The following HNF1B variants were observed in gnomAD, a reference collection of about 807,000 sequenced individuals.
HNF1B encodes hepatocyte nuclear factor 1-beta.
In HNF1B, 8 loss-of-function variants were observed where a neutral mutation model predicts 61.7. The observed-to-expected ratio is 0.13, with a 90% CI of 0.08 to 0.23. The LOEUF (loss-of-function observed/expected upper bound fraction) is 0.23, where lower values mean the gene tolerates loss of function less well. Among genes scored for constraint, HNF1B ranks in the 10% least tolerant of loss-of-function variants. The pLI, the probability that HNF1B is intolerant of heterozygous loss-of-function variation, is 1.00. For synonymous variants in HNF1B, 314 were observed against 287.7 expected, an observed-to-expected ratio of 1.09 and a Z score of -0.93; for missense variants, 562 against 714.5, an observed-to-expected ratio of 0.79 and a Z score of 2.43.
At chr17:37,689,255 T>C (rs1344656053) in intron 8 of HNF1B, among the ~76,000 whole-genome samples, 1 of 151,652 alleles carries the variant, frequency 6.6e-6, no homozygotes, top group African/African-American at 2.4e-5. Flanking sequence ...GGTCCTCTGA[T>C]ACCCTTTGCC....
intron 4 of HNF1B, among the ~76,000 whole-genome samples, chr17:37,712,228 G>GATTCAACGT (rs576805772): frequency 2.3e-4 from 35 of 152,310 alleles, no homozygotes; most frequent in South Asian, 1.2e-3. Context: ...AGCTGCTAGT[G>GATTCAACGT]GGGGTGGTGG....
rs746603677 is a variant in HNF1B at position 37,733,692 on chromosome 17, T to G, written c.674A>C (p.Glu225Ala). The G allele has an allele frequency of 1.3e-5, 21 of 1,614,022 alleles. No homozygotes were observed. Among genetic ancestry groups the G allele is most frequent in the Non-Finnish European group, 1.8e-5 (21 of 1,180,032 alleles). Residue 225 changes from glutamate to alanine, a missense_variant, in exon 3 of 9, where the codon GAG becomes GCG. Around this residue, in one of 6 missense-constraint regions of HNF1B, gnomAD observed 69 missense variants for 81.2 expected, o/e 0.85. Coordinates refer to ENST00000617811, the MANE Select transcript of HNF1B (RefSeq NM_000458.4). ...GCGGCGCATCTTCTTGTTGGTGGGCTCAGAGCAGGCATCATCGGACTGCCC... is the reference window on the plus strand; with the variant it reads ...GCGGCGCATCTTCTTGTTGGTGGGCGCAGAGCAGGCATCATCGGACTGCCC... The part of the protein sequence containing the change: ...GPGQSDDACS[E>A]PTNKKMRRNR...
intron 4 of HNF1B, among the ~76,000 whole-genome samples, chr17:37,714,304 C>A (rs2147484878): frequency 6.6e-6 from 1 of 152,342 alleles, no homozygotes; most frequent in Admixed American, 6.5e-5. Context: ...TTATTGAGCA[C>A]CTACCATGTG....
chr17:37,716,371 G>C (rs2033112030), intron 4 of HNF1B, among the ~76,000 whole-genome samples: 2 of 151,900 alleles, frequency 1.3e-5, no homozygotes, highest in African/African-American at 4.8e-5. Context: ...CTAAATTTTT[G>C]TATTTTTGGT....
chr17:37,731,711 C>T lies in HNF1B; in HGVS notation c.929G>A (p.Arg310Gln). ...FANRRKEEAF[R>Q]QKLAMDAYSS... ...ATAGGCGTCCATGGCCAGCTTTTGCCGGAATGCCTCCTCCTTCCTGCGGTT... is the reference window on the plus strand; with the variant it reads ...ATAGGCGTCCATGGCCAGCTTTTGCTGGAATGCCTCCTCCTTCCTGCGGTT... Residue 310 changes from arginine (R) to glutamine (Q), a missense_variant, in exon 4 of 9, where the codon CGG becomes CAG. Arg to Gln is a conservative substitution (Grantham distance 43). Coordinates refer to ENST00000617811, the MANE Select transcript of HNF1B (RefSeq NM_000458.4). The T allele has an allele frequency of 3.1e-6, 5 of 1,614,114 alleles. No individual in the cohort carries two copies. Among genetic ancestry groups the T allele is most frequent in the East Asian group, 2.2e-5 (1 of 44,878 alleles).
At position 37,699,169 on chromosome 17, in the gene HNF1B, G is replaced by C; in HGVS notation, c.1560C>G (p.Pro520=). 2 of 1,614,042 alleles carry C rather than the reference G, an allele frequency of 1.2e-6. No individual in the cohort carries two copies. The highest frequency in any genetic ancestry group is 1.7e-6 in the Non-Finnish European group (2 of 1,179,974). The change falls in exon 8 of 9, where the codon CCC becomes CCG. Residue 520 remains proline (P), a synonymous_variant. Coordinates refer to ENST00000617811, the MANE Select transcript of HNF1B (RefSeq NM_000458.4). ...GAAACCGGGAGGTGTGGGAATACTG[G>C]GGGGGTTCCTGCTTGTGTGCGTACA... ...SHMYAHKQEP[P]QYSHTSRFPS...
chr17:37,692,871 T>C (rs1217866733), intron 8 of HNF1B, among the ~76,000 whole-genome samples: 1 of 152,078 alleles, frequency 6.6e-6, no homozygotes. Context: ...TGACTGCATG[T>C]AGACCAAGCA....
Position 37,744,629 on chromosome 17 carries a change from A to AGTCGTCGCCGTCCTCGGAGCC in HNF1B, c.235_255dup (p.Gly79_Asp85dup), listed in dbSNP as rs762499042. On this transcript the variant is annotated inframe_insertion, in exon 1 of 9. Coordinates refer to ENST00000617811, the MANE Select transcript of HNF1B (RefSeq NM_000458.4). ...TCCTTGAGGATGGGAGGTGTGTCATAGTCGTCGCCGTCCTCGGAGCCCTCG... is the reference window on the plus strand; with the variant it reads ...TCCTTGAGGATGGGAGGTGTGTCATAGTCGTCGCCGTCCTCGGAGCCGTCGTCGCCGTCCTCGGAGCCCTCG... 5.6e-6 allele frequency: 9 copies of AGTCGTCGCCGTCCTCGGAGCC among 1,611,690 alleles called. No individual in the cohort carries two copies. The highest frequency in any genetic ancestry group is 6.8e-6 in the Non-Finnish European group (8 of 1,179,990).
chr17:37,722,535 G>C (rs766407482), intron 4 of HNF1B, among the ~76,000 whole-genome samples: 9 of 152,186 alleles, frequency 5.9e-5, no homozygotes, highest in Non-Finnish European at 1.2e-4. Context: ...GCCATAACCA[G>C]CTCACCTTGG....
chr17:37,734,453 TTTAA>T (rs1301933189), intron 2 of HNF1B, among the ~76,000 whole-genome samples: 1 of 152,150 alleles, frequency 6.6e-6, no homozygotes, highest in Non-Finnish European at 1.5e-5. Context: ...GGGAGTAGTG[TTTAA>T]TTAGCTGGAA....
chr17:37,691,096 G>GA (rs2032186981), intron 8 of HNF1B, among the ~76,000 whole-genome samples: 1 of 152,044 alleles, frequency 6.6e-6, no homozygotes, highest in Non-Finnish European at 1.5e-5. Context: ...AACTCCCATG[G>GA]AAAAAAGGAG....
intron 2 of HNF1B, among the ~76,000 whole-genome samples, chr17:37,736,843 A>C (rs1278766019): frequency 6.6e-6 from 1 of 152,212 alleles, no homozygotes; most frequent in Non-Finnish European, 1.5e-5. Flanking sequence ...TTCCACTGAC[A>C]TCAGGGGCTT....
intron 6 of HNF1B, among the ~76,000 whole-genome samples, chr17:37,703,321 C>T (rs575998270): frequency 1.3e-5 from 2 of 151,962 alleles, no homozygotes; most frequent in Non-Finnish European, 1.5e-5. Flanking sequence ...TAAGGAGCAT[C>T]GTGAAATGAT....
chr17:37,704,754 A>G (rs2032684507), intron 6 of HNF1B, among the ~76,000 whole-genome samples, 163 bp downstream of exon 6: 1 of 152,182 alleles, frequency 6.6e-6, no homozygotes, highest in Non-Finnish European at 1.5e-5. Context: ...AACAATCCAA[A>G]TATTGGATTT....
At chr17:37,702,925 G>A (rs1173817843) in intron 6 of HNF1B, among the ~76,000 whole-genome samples, 1 of 152,200 alleles carries the variant, frequency 6.6e-6, no homozygotes, top group Non-Finnish European at 1.5e-5. Flanking sequence ...ATCTGTTTCT[G>A]TTTCTGGGCA....
chr17:37,736,366 A>G (rs1243692159), intron 2 of HNF1B, among the ~76,000 whole-genome samples: 2 of 152,204 alleles, frequency 1.3e-5, no homozygotes, highest in Non-Finnish European at 2.9e-5. Flanking sequence ...GTGGTGAGGT[A>G]TTGTGCCAAA....
chr17:37,713,416 G>C (rs2033001570), intron 4 of HNF1B, among the ~76,000 whole-genome samples: 1 of 152,220 alleles, frequency 6.6e-6, no homozygotes. Context: ...AAGGGAGCAT[G>C]TCAGGAGAGA....
At chr17:37,709,996 T>G (rs950210807) in intron 5 of HNF1B, among the ~76,000 whole-genome samples, 1 of 152,230 alleles carries the variant, frequency 6.6e-6, no homozygotes, top group Non-Finnish European at 1.5e-5. Flanking sequence ...GTGTCCCATG[T>G]CTTTCACTGT....
At chr17:37,717,490 A>G (rs1409158190) in intron 4 of HNF1B, among the ~76,000 whole-genome samples, 1 of 152,342 alleles carries the variant, frequency 6.6e-6, no homozygotes, top group African/African-American at 2.4e-5. Context: ...CCAAAAGGTA[A>G]TAACTATGTT....
Sources: allele counts gnomAD v4.1 joint callset (sites outside exome capture counted in the v4.1 genomes callset), GRCh38; gene constraint gnomAD v4.1.1; regional missense constraint gnomAD v4.1.1; transcripts MANE v1.5; gene names NCBI Gene and HGNC (gene_info 2026-07-23, HGNC 2026-07-21).